Variants in GALNT14 observed in about 807,000 individuals in gnomAD.
GALNT14 encodes polypeptide N-acetylgalactosaminyltransferase 14, also known as UDP-GalNAc:polypeptide N-acetylgalactosaminyltransferase 14.
GALNT14 carries 60 observed loss-of-function variants against 77.5 expected under a neutral mutation model. That is an observed-to-expected ratio of 0.77 (90% CI 0.63 to 0.96). GALNT14 has a LOEUF of 0.96. Among genes scored for constraint, GALNT14 ranks in the 40% least tolerant of loss-of-function variants. GALNT14 has a pLI of 0.00. For synonymous variants in GALNT14, 280 were observed against 281.7 expected (o/e 0.99, Z 0.06); for missense variants, 710 against 731.0 (o/e 0.97, Z 0.33).
At chr2:31,030,061 T>C (rs1672316703) in intron 1 of GALNT14, among the ~76,000 whole-genome samples, 1 of 152,236 alleles carries the variant, frequency 6.6e-6, no homozygotes, top group Admixed American at 6.5e-5. Flanking sequence ...ATTATTTTCG[T>C]GTCTTCTAGA....
intron 11 of GALNT14, among the ~76,000 whole-genome samples, chr2:30,929,053 T>C (rs1665559711): frequency 6.6e-6 from 1 of 152,164 alleles, no homozygotes; most frequent in Non-Finnish European, 1.5e-5. Context: ...ACCTAGAACT[T>C]GGAGGGAAGA....
intron 6 of GALNT14, 129 bp downstream of exon 6, chr2:30,955,489 C>T (rs569665731): frequency 1.1e-5 from 14 of 1,256,606 alleles, no homozygotes; most frequent in South Asian, 8.7e-5. Flanking sequence ...TCAATAAAAT[C>T]GGGACTGCGA....
At chr2:30,922,566 G>T (rs1665095198) in intron 13 of GALNT14, among the ~76,000 whole-genome samples, 1 of 152,168 alleles carries the variant, frequency 6.6e-6, no homozygotes, top group Non-Finnish European at 1.5e-5. Context: ...GGTCTTTCCT[G>T]GGCCACCCTT....
Position 31,094,046 on chromosome 2 carries a change from G to A in GALNT14, c.129+43912C>T, listed in dbSNP as rs76445386. Among the ~76,000 whole-genome samples the A allele has an allele frequency of 3.0e-4, 46 of 152,316 alleles. No homozygotes were observed. The East Asian group carries it at 6.8e-3, about 22-fold the overall frequency. On this transcript the variant is annotated intron_variant, in intron 1 of 14. Transcript: ENST00000349752. ...CCATCACATGCCCTGCGACCTGCAC[G>A]TATACATCCAGATGGCCTGAAGCAA...
intron 1 of GALNT14, among the ~76,000 whole-genome samples, chr2:31,109,974 T>C (rs572875420): frequency 6.6e-6 from 1 of 152,288 alleles, no homozygotes; most frequent in African/African-American, 2.4e-5. Context: ...AGCTCATTTA[T>C]TTTCCTGGTT....
chr2:31,083,907 C>T (rs1250531101), intron 1 of GALNT14, among the ~76,000 whole-genome samples: 6 of 152,126 alleles, frequency 3.9e-5, no homozygotes, highest in Admixed American at 6.5e-5. Flanking sequence ...AAGGAGAAGC[C>T]GGAGAAGTCC....
chr2:30,941,453 A>C (rs1478133259), intron 9 of GALNT14, among the ~76,000 whole-genome samples: 1 of 152,226 alleles, frequency 6.6e-6, no homozygotes, highest in Admixed American at 6.5e-5. Flanking sequence ...GGCTTTTAAC[A>C]GCCCCAAGAA....
intron 1 of GALNT14, among the ~76,000 whole-genome samples, chr2:31,061,955 C>T (rs1674620097): frequency 6.6e-6 from 1 of 152,182 alleles, no homozygotes; most frequent in Admixed American, 6.5e-5. Context: ...TCACAGTTTA[C>T]ATGTATTCAT....
At chr2:30,932,047 G>A (rs1385475418) in intron 10 of GALNT14, 21 bp downstream of exon 10, 4 of 1,492,314 alleles carry the variant, frequency 2.7e-6, no homozygotes, top group East Asian at 5.1e-5. Context: ...GCCCACCCGC[G>A]CTGAGCCCCT....
intron 1 of GALNT14, among the ~76,000 whole-genome samples, chr2:31,000,479 A>G (rs961518188): frequency 1.8e-5 from 2 of 109,154 alleles, no homozygotes; most frequent in Admixed American, 9.0e-5. Flanking sequence ...GTGTGTATAC[A>G]CAGAAATTGA....
At chr2:30,949,138 G>C (rs924523420) in intron 6 of GALNT14, among the ~76,000 whole-genome samples, 1 of 152,126 alleles carries the variant, frequency 6.6e-6, no homozygotes, top group Non-Finnish European at 1.5e-5. Flanking sequence ...GCTTTATAAT[G>C]AGTCACCAAA....
chr2:31,000,209 G>C (rs1670279714), intron 1 of GALNT14, among the ~76,000 whole-genome samples: 1 of 152,110 alleles, frequency 6.6e-6, no homozygotes, highest in South Asian at 2.1e-4. Context: ...GAGTGTTCTG[G>C]TCCCTTAGTT....
At chr2:31,029,278 T>G (rs1672266087) in intron 1 of GALNT14, among the ~76,000 whole-genome samples, 1 of 152,166 alleles carries the variant, frequency 6.6e-6, no homozygotes, top group Non-Finnish European at 1.5e-5. Context: ...AAGTCAGGAA[T>G]AGTCAGCCAG....
intron 1 of GALNT14, among the ~76,000 whole-genome samples, chr2:31,109,633 G>A (rs1020050925): frequency 2.0e-5 from 3 of 152,156 alleles, no homozygotes; most frequent in Non-Finnish European, 2.9e-5. Flanking sequence ...ACCGTCCTGC[G>A]GCAGTGCGGA....
Position 31,069,923 on chromosome 2 carries a change from A to G in GALNT14, c.129+68035T>C, listed in dbSNP as rs557330582. 2.9e-4 allele frequency among the ~76,000 whole-genome samples: 44 copies of G among 152,254 alleles called. 1 individual carries two copies. In the South Asian group the frequency reaches 8.9e-3, roughly 31 times the overall value. ...CTTGCTCAGTGAGAAGCAGGCACTG[A>G]GACAGAAAGGAAAGAAATGCATCAA... On this transcript the variant is annotated intron_variant, in intron 1 of 14. Coordinates refer to ENST00000349752, the MANE Select transcript of GALNT14 (RefSeq NM_024572.4).
intron 14 of GALNT14, 35 bp downstream of exon 14, chr2:30,912,188 G>A (rs776663891): frequency 6.2e-7 from 1 of 1,612,072 alleles, no homozygotes; most frequent in Non-Finnish European, 8.5e-7. Context: ...ACATTACGGA[G>A]TTGGCCACAT....
At chr2:31,087,690 A>G (rs909674268) in intron 1 of GALNT14, among the ~76,000 whole-genome samples, 6 of 152,212 alleles carry the variant, frequency 3.9e-5, no homozygotes, top group Admixed American at 2.0e-4. Context: ...GGAGCAGCCA[A>G]CCGTGTGGAA....
intron 1 of GALNT14, among the ~76,000 whole-genome samples, chr2:31,023,043 C>T (rs573631434): frequency 9.2e-5 from 14 of 151,996 alleles, no homozygotes; most frequent in Admixed American, 3.3e-4. Context: ...TGAGGAAGGG[C>T]GCATTTGAGA....
chr2:31,018,109 G>T (rs1293410915), intron 1 of GALNT14, among the ~76,000 whole-genome samples: 2 of 152,238 alleles, frequency 1.3e-5, no homozygotes, highest in Non-Finnish European at 2.9e-5. Flanking sequence ...TGTGTAAGCA[G>T]AAGAAATCCT....
Sources: allele counts gnomAD v4.1 joint callset (sites outside exome capture counted in the v4.1 genomes callset), GRCh38; gene constraint gnomAD v4.1.1; transcripts MANE v1.5; gene names NCBI Gene and HGNC (gene_info 2026-07-23, HGNC 2026-07-21).